The following MLXIP variants were observed in gnomAD, a reference collection of about 807,000 sequenced individuals.
MLXIP encodes the protein MLX-interacting protein.
MLXIP carries 30 observed loss-of-function variants against 87.2 expected under a neutral mutation model. That is an observed-to-expected ratio of 0.34 (90% CI 0.26 to 0.47). The LOEUF is 0.47. Ranked by LOEUF, MLXIP falls within the 20% of genes least tolerant of loss-of-function variation. MLXIP has a pLI of 1.00. For synonymous variants in MLXIP, 530 were observed against 514.0 expected, an observed-to-expected ratio of 1.03 and a Z score of -0.42; for missense variants, 1,002 against 1,240.1, an observed-to-expected ratio of 0.81 and a Z score of 2.88.
intron 1 of MLXIP, among the ~76,000 whole-genome samples, chr12:122,097,256 C>G (rs1952367921): frequency 6.6e-6 from 1 of 152,034 alleles, no homozygotes; most frequent in Non-Finnish European, 1.5e-5. Flanking sequence ...GCGTTGAACC[C>G]CTGTGCTTAA....
At chr12:122,096,772 C>G (rs908028456) in intron 1 of MLXIP, among the ~76,000 whole-genome samples, 9 of 152,182 alleles carry the variant, frequency 5.9e-5, no homozygotes, top group African/African-American at 9.7e-5. Flanking sequence ...AGGCTGTGAC[C>G]GCGGTGTCCC....
chr12:122,124,971 A>G (rs1289213987), intron 1 of MLXIP, among the ~76,000 whole-genome samples: 1 of 152,236 alleles, frequency 6.6e-6, no homozygotes, highest in Admixed American at 6.5e-5. Context: ...GTTCCAGACC[A>G]GCCTGACCAA....
At chr12:122,115,907 C>T (rs1194004573) in intron 1 of MLXIP, among the ~76,000 whole-genome samples, 1 of 152,062 alleles carries the variant, frequency 6.6e-6, no homozygotes, top group African/African-American at 2.4e-5. Context: ...CAAAAATTAG[C>T]CAGGCATGAT....
Position 122,143,094 on chromosome 12 carries a change from C to T in MLXIP, c.*1282C>T, listed in dbSNP as rs1388590057. The T allele has an allele frequency of 6.6e-6, 1 of 152,476 alleles. No individual in the cohort carries two copies. The highest frequency in any genetic ancestry group is 1.9e-4 in the East Asian group (1 of 5,200). 9.4% of individuals were successfully genotyped at this position (152,476 alleles called of 1,614,324 possible). The stretch of plus-strand genomic sequence containing the variant: ...TCAGGAAGCCCGGCCGAGGGTACCT[C>T]CTCGTGGAAAGAATGCACTTTAAAG... On this transcript the variant is annotated 3_prime_UTR_variant, in exon 17 of 17. Coordinates refer to ENST00000319080, the MANE Select transcript of MLXIP (RefSeq NM_014938.6).
chr12:122,112,976 A>AG (rs35615019), intron 1 of MLXIP, among the ~76,000 whole-genome samples: 76,928 of 152,016 alleles, frequency 0.51, 19,987 homozygotes, highest in Middle Eastern at 0.64. Flanking sequence ...GAAGCATAAA[A>AG]AAAGGACTTC....
chr12:122,134,166 T>C (rs1953038693), intron 9 of MLXIP, 179 bp downstream of exon 9: 1 of 744,536 alleles, frequency 1.3e-6, no homozygotes. Context: ...CATGATCTAG[T>C]CCGTTTTCTA....
chr12:122,079,809 C>G (rs756403524), intron 1 of MLXIP, among the ~76,000 whole-genome samples: 3 of 152,220 alleles, frequency 2.0e-5, no homozygotes, highest in Non-Finnish European at 2.9e-5. Context: ...CAGTGCTTGG[C>G]CAGAGTTAGG....
rs1953215610 is a variant in MLXIP, at chr12:122,142,005, C to A, written c.*193C>A. The A allele has an allele frequency of 1.3e-6, 1 of 760,742 alleles. No homozygotes were observed. Among genetic ancestry groups the A allele is most frequent in the Non-Finnish European group, 2.1e-6 (1 of 472,414 alleles). The allele number at this position is 760,742 out of a possible 1,614,324, so 47.1% of individuals were successfully genotyped here. A position where few individuals can be genotyped will look rare whatever the true frequency, so the allele number is the denominator to read the frequency against. On this transcript the variant is annotated 3_prime_UTR_variant, in exon 17 of 17. Transcript: ENST00000319080. ...GGGGCCTGCTGACAGCAATAGCCCG[C>A]CTTTGGGAACCCCTTGCTGTGAACT...
chr12:122,133,256 C>G lies in MLXIP; in HGVS notation c.1093-92C>G. The G allele has an allele frequency of 7.0e-7, 1 of 1,438,360 alleles. No homozygotes were observed. The highest frequency in any genetic ancestry group is 9.3e-7 in the Non-Finnish European group (1 of 1,079,904). 89.1% of individuals were successfully genotyped at this position (1,438,360 alleles called of 1,614,324 possible). Reference sequence around the variant, plus strand: ...GCCTTTGTCCCTCTGTCCCAGCGCCCGGCCTGTGTAGTTGGACTTGGCAGT... The same window carrying G: ...GCCTTTGTCCCTCTGTCCCAGCGCCGGGCCTGTGTAGTTGGACTTGGCAGT... On this transcript the variant is annotated intron_variant, in intron 8 of 16. Coordinates refer to ENST00000319080, the MANE Select transcript of MLXIP (RefSeq NM_014938.6). This position sits in a 1 kb window ranked among gnomAD's most constrained non-coding sequence, Gnocchi z 4.9.
At chr12:122,138,783 C>T (rs1479513278) in intron 14 of MLXIP, 32 bp from the exon 15 acceptor site, 6 of 1,607,880 alleles carry the variant, frequency 3.7e-6, no homozygotes, top group South Asian at 2.2e-5. Flanking sequence ...CCACTGGCTG[C>T]TCCACAGCTC....
At chr12:122,088,907 C>T (rs886715904) in intron 1 of MLXIP, among the ~76,000 whole-genome samples, 1 of 149,504 alleles carries the variant, frequency 6.7e-6, no homozygotes, top group Non-Finnish European at 1.5e-5. Context: ...TGCAGTGGCT[C>T]ATGTGTGTAA....
Position 122,133,405 on chromosome 12 carries a change from G to T in MLXIP, c.1150G>T (p.Ala384Ser), listed in dbSNP as rs181583869. The T allele has an allele frequency of 1.2e-5, 20 of 1,603,814 alleles. No homozygotes were observed. In the African/African-American group the frequency reaches 1.9e-4, roughly 15 times the overall value. The part of the protein sequence containing the change: ...PTVSLPDSLI[A>S]PPTAPSLAHM... ...TGTGAGCCTTCCTGACAGCCTCATC[G>T]CGCCCCCTACCGCCCCATCCCTGGC... is the stretch of plus-strand genomic sequence containing the variant. The change falls in exon 9 of 17, where the codon GCG becomes TCG. Residue 384 changes from alanine (A) to serine (S), a missense_variant. Coordinates refer to ENST00000319080, the MANE Select transcript of MLXIP (RefSeq NM_014938.6). This position sits in a 1 kb window ranked among gnomAD's most constrained non-coding sequence, Gnocchi z 4.9.
chr12:122,079,308 C>T, intron 1 of MLXIP, 42 bp downstream of exon 1: 1 of 1,527,608 alleles, frequency 6.5e-7, no homozygotes, highest in Non-Finnish European at 8.8e-7. Flanking sequence ...GCCGGAGGCC[C>T]TTGTTTGACA....
intron 1 of MLXIP, among the ~76,000 whole-genome samples, chr12:122,080,273 T>C (rs1952072151): frequency 6.6e-6 from 1 of 152,148 alleles, no homozygotes; most frequent in Non-Finnish European, 1.5e-5. Flanking sequence ...GAGTTAAGCT[T>C]ATTGCATTAG....
chr12:122,130,007 G>A lies in MLXIP; in HGVS notation c.805G>A (p.Asp269Asn). 6.2e-7 allele frequency: 1 copy of A among 1,614,038 alleles called. No homozygotes were observed. Among genetic ancestry groups the A allele is most frequent in the Non-Finnish European group, 8.5e-7 (1 of 1,179,894 alleles). Residue 269 changes from aspartate to asparagine, a missense_variant, in exon 6 of 17, where the codon GAT (aspartate) becomes AAT (asparagine). Around this residue, in one of 3 missense-constraint regions of MLXIP, gnomAD observed 746 missense variants for 897.0 expected, o/e 0.83. Coordinates refer to ENST00000319080, the MANE Select transcript of MLXIP (RefSeq NM_014938.6). ...GAAGACCCCCGTCCCCATGGAGGAG[G>A]ATCCCCTGCTGGACACAGACATGCT... ...GWKTPVPMEE[D>N]PLLDTDMLMS...
intron 1 of MLXIP, among the ~76,000 whole-genome samples, chr12:122,092,887 T>C (rs1952267394): frequency 6.6e-6 from 1 of 152,192 alleles, no homozygotes; most frequent in Admixed American, 6.5e-5. Flanking sequence ...TCTTCGGCTT[T>C]GCTTCCCCAG....
At position 122,119,552 on chromosome 12, in the gene MLXIP, C is replaced by T. The variant is rs73417673; in HGVS notation, c.414-7704C>T. On this transcript the variant is annotated intron_variant, in intron 1 of 16. Transcript: ENST00000319080. ...GACTACAGGCACCTGCCACCACACCCGGCTAATTTTTTGTATTTTTAGTAG... is the reference window on the plus strand; with the variant it reads ...GACTACAGGCACCTGCCACCACACCTGGCTAATTTTTTGTATTTTTAGTAG... 5.9e-3 allele frequency among the ~76,000 whole-genome samples: 900 copies of T among 152,202 alleles called. 9 individuals are homozygous for T. Among genetic ancestry groups the T allele is most frequent in the African/African-American group, 0.02 (844 of 41,532 alleles).
chr12:122,132,537 G>A (rs974417708), intron 8 of MLXIP, 154 bp downstream of exon 8: 1 of 625,134 alleles, frequency 1.6e-6, no homozygotes, highest in Non-Finnish European at 2.8e-6. Flanking sequence ...GCAGAGGCAC[G>A]ATTCCATCCC....
At chr12:122,103,854 T>G (rs1257738146) in intron 1 of MLXIP, among the ~76,000 whole-genome samples, 1 of 151,538 alleles carries the variant, frequency 6.6e-6, no homozygotes, top group Non-Finnish European at 1.5e-5. Flanking sequence ...TTTTTTTTTT[T>G]TGTAGAGACA....
Sources: gnomAD v4.1 joint callset for allele counts (sites outside exome capture counted in the v4.1 genomes callset) on GRCh38, gnomAD v4.1.1 for gene constraint, gnomAD v4.1.1 regional missense constraint, Gnocchi (gnomAD v3.1) non-coding constraint, MANE v1.5 for transcripts, NCBI Gene and HGNC (gene_info 2026-07-23, HGNC 2026-07-21) for gene names.